COL23A1: variants seen among roughly 807,000 people sequenced by gnomAD.
COL23A1 encodes the protein collagen type XXIII alpha 1 chain.
In COL23A1, 97 loss-of-function variants were observed where a neutral mutation model predicts 99.3. The ratio of observed to expected loss-of-function variants is 0.98; its 90% confidence interval spans 0.83 to 1.16. The LOEUF (loss-of-function observed/expected upper bound fraction) is 1.16, where lower values mean the gene tolerates loss of function less well. COL23A1 is among the 50% of genes most tolerant of loss of function. The probability of loss-of-function intolerance (pLI) is 0.00; values close to 1 mark genes in which losing one functional copy is unlikely to be tolerated. For missense variants in COL23A1, 762 were observed against 757.4 expected (o/e 1.01, Z -0.07); for synonymous variants, 320 against 308.2 (o/e 1.04, Z -0.40).
At chr5:178,336,318 G>A (rs1050163977) in intron 2 of COL23A1, among the ~76,000 whole-genome samples, 3 of 152,290 alleles carry the variant, frequency 2.0e-5, no homozygotes, top group Admixed American at 6.5e-5. Context: ...CACAACAGCC[G>A]AAAGGCAGAA....
At chr5:178,350,315 C>T (rs1431660381) in intron 2 of COL23A1, among the ~76,000 whole-genome samples, 2 of 152,212 alleles carry the variant, frequency 1.3e-5, no homozygotes, top group East Asian at 3.9e-4. Context: ...ATCATCAGCT[C>T]ACCCTCTGAC....
chr5:178,497,778 T>G (rs1324108596), intron 2 of COL23A1, among the ~76,000 whole-genome samples: 1 of 152,236 alleles, frequency 6.6e-6, no homozygotes, highest in Non-Finnish European at 1.5e-5. Flanking sequence ...GAAGAATTAA[T>G]GAACTGGAAC....
At chr5:178,284,412 C>T (rs541629737) in intron 5 of COL23A1, among the ~76,000 whole-genome samples, 2 of 152,156 alleles carry the variant, frequency 1.3e-5, no homozygotes, top group Admixed American at 6.5e-5. Flanking sequence ...AAGTGTAATA[C>T]CCACAGTTGG....
chr5:178,261,632 GT>G, intron 11 of COL23A1, 89 bp downstream of exon 11: 7 of 878,354 alleles, frequency 8.0e-6, no homozygotes, highest in Non-Finnish European at 1.4e-5. Context: ...TTCACTAGGG[GT>G]GGGGGGAAGA....
intron 2 of COL23A1, among the ~76,000 whole-genome samples, chr5:178,336,614 T>C (rs1486207550): frequency 6.6e-6 from 1 of 152,164 alleles, no homozygotes; most frequent in African/African-American, 2.4e-5. Context: ...AGGAGTATCC[T>C]TTTGGGTGCT....
At chr5:178,515,112 G>A (rs1267522630) in intron 2 of COL23A1, among the ~76,000 whole-genome samples, 1 of 152,246 alleles carries the variant, frequency 6.6e-6, no homozygotes, top group East Asian at 1.9e-4. Context: ...CTGGGAGGCA[G>A]CTGAGCTGCA....
chr5:178,527,085 T>C (rs1402389733), intron 2 of COL23A1, among the ~76,000 whole-genome samples: 1 of 151,266 alleles, frequency 6.6e-6, no homozygotes, highest in Non-Finnish European at 1.5e-5. Flanking sequence ...TTGAAGGGGG[T>C]CAAATCCAAG....
At chr5:178,444,043 A>T in intron 2 of COL23A1, among the ~76,000 whole-genome samples, 1 of 152,074 alleles carries the variant, frequency 6.6e-6, no homozygotes. Context: ...CTCTACAAAA[A>T]ATAAAAAAAT....
intron 2 of COL23A1, among the ~76,000 whole-genome samples, chr5:178,324,228 T>C (rs1281514166): frequency 6.6e-6 from 1 of 152,048 alleles, no homozygotes; most frequent in African/African-American, 2.4e-5. Context: ...GGCTGGAGAA[T>C]TTGCATTTTC....
intron 9 of COL23A1, 79 bp from the exon 10 acceptor site, chr5:178,262,331 G>T: frequency 7.2e-7 from 1 of 1,382,072 alleles, no homozygotes; most frequent in Non-Finnish European, 1.0e-6. Flanking sequence ...GCCAGACCCC[G>T]GGCTGGGGCT....
chr5:178,249,708 A>T (rs1290229860), intron 18 of COL23A1, among the ~76,000 whole-genome samples: 6 of 100,736 alleles, frequency 6.0e-5, no homozygotes, highest in Non-Finnish European at 8.9e-5. Flanking sequence ...ACACACACAC[A>T]CACACACACT....
intron 2 of COL23A1, among the ~76,000 whole-genome samples, chr5:178,341,381 TC>T (rs1208334592): frequency 6.6e-6 from 1 of 152,096 alleles, no homozygotes; most frequent in African/African-American, 2.4e-5. Context: ...AGTTGAGGCC[TC>T]CCATGCAGGG....
chr5:178,489,758 C>T (rs1024976839), intron 2 of COL23A1, among the ~76,000 whole-genome samples: 13 of 152,182 alleles, frequency 8.5e-5, no homozygotes, highest in African/African-American at 2.7e-4. Flanking sequence ...GCAGCAATTC[C>T]GCTCCTCGAT....
chr5:178,306,460 C>T lies in COL23A1; in HGVS notation c.406+415G>A, dbSNP rs748907861. Among the ~76,000 whole-genome samples the T allele has an allele frequency of 2.6e-5, 4 of 151,770 alleles. No homozygotes were observed. Among genetic ancestry groups the T allele is most frequent in the African/African-American group, 4.8e-5 (2 of 41,260 alleles). ...GGGAGGTGGGGGAGTCTCCTCCTGG[C>T]GGCTCTGCCAAGGAAGGACAGGCCA... On this transcript the variant is annotated intron_variant, in intron 3 of 28. Coordinates refer to ENST00000390654, the MANE Select transcript of COL23A1 (RefSeq NM_173465.4). The surrounding 1 kb of genome is among the most constrained non-coding windows in gnomAD (Gnocchi z 4.1).
At chr5:178,257,602 C>T in intron 12 of COL23A1, 35 bp from the exon 13 acceptor site, 1 of 1,550,496 alleles carries the variant, frequency 6.4e-7, no homozygotes, top group Non-Finnish European at 8.7e-7. Flanking sequence ...GCCGGTCAGA[C>T]CCTCGGGTGG....
chr5:178,498,246 ATATATATAT>A lies in COL23A1; in HGVS notation c.361+62427_361+62435del, dbSNP rs1562025689. Among the ~76,000 whole-genome samples, 48 of 71,660 alleles carry A rather than the reference ATATATATAT, an allele frequency of 6.7e-4. 2 individuals are homozygous for A. The highest frequency in any genetic ancestry group is 3.4e-3 in the African/African-American group (39 of 11,560). The allele number at this position is 71,660 out of a possible 152,430, so 47.0% of individuals were successfully genotyped here. ...TATATATATATATATATATATATAT[ATATATATAT>A]ATAAAAGAACTTAAAAATAAAAAAA... On this transcript the variant is annotated intron_variant, in intron 2 of 28. Coordinates refer to ENST00000390654, the MANE Select transcript of COL23A1 (RefSeq NM_173465.4).
rs1040822937 is a variant in COL23A1 at position 178,544,645 on chromosome 5, G to C, written c.361+16037C>G. On this transcript the variant is annotated intron_variant, in intron 2 of 28. Transcript: ENST00000390654. This position sits in a 1 kb window ranked among gnomAD's most constrained non-coding sequence, Gnocchi z 4.4. Reference sequence around the variant, plus strand: ...CCGGCCTCTATCCCCACTGTGAGACGGGCGGTGCCACAAATGGGAGGTGAC... The same window carrying C: ...CCGGCCTCTATCCCCACTGTGAGACCGGCGGTGCCACAAATGGGAGGTGAC... 1.1e-4 allele frequency among the ~76,000 whole-genome samples: 16 copies of C among 152,186 alleles called. No homozygotes were observed. Among genetic ancestry groups the C allele is most frequent in the African/African-American group, 3.9e-4 (16 of 41,454 alleles).
At chr5:178,481,131 C>CAAAAAAAAAAAAAAA (rs10625763) in intron 2 of COL23A1, among the ~76,000 whole-genome samples, 5 of 102,278 alleles carry the variant, frequency 4.9e-5, no homozygotes, top group African/African-American at 1.8e-4. Flanking sequence ...GACTGTCTCT[C>CAAAAAAAAAAAAAAA]AAAAAAAAAA....
rs74989622 is a variant in COL23A1 at position 178,267,547 on chromosome 5, G to A, written c.496-214C>T. On this transcript the variant is annotated intron_variant, in intron 7 of 28. Transcript: ENST00000390654. ...CAAGGTCACACAGCTAGCAGATCCA[G>A]GACTTGAAGGCAGGTAGGTGTCCCC... 4.3e-3 allele frequency among the ~76,000 whole-genome samples: 653 copies of A among 152,268 alleles called. 5 individuals carry two copies. Among genetic ancestry groups the A allele is most frequent in the African/African-American group, 0.015 (627 of 41,560 alleles).
Sources: gnomAD v4.1 joint callset for allele counts (sites outside exome capture counted in the v4.1 genomes callset) on GRCh38, gnomAD v4.1.1 for gene constraint, Gnocchi (gnomAD v3.1) non-coding constraint, MANE v1.5 for transcripts, NCBI Gene and HGNC (gene_info 2026-07-23, HGNC 2026-07-21) for gene names.